FAM133B: variants seen among roughly 807,000 people sequenced by gnomAD.
FAM133B encodes the protein protein FAM133B.
FAM133B carries 25 observed loss-of-function variants against 46.4 expected under a neutral mutation model. That is an observed-to-expected ratio of 0.54 (90% CI 0.39 to 0.75). The LOEUF (loss-of-function observed/expected upper bound fraction) is 0.75. FAM133B is among the 30% of genes least tolerant of loss of function. The probability of loss-of-function intolerance (pLI) is 0.00; values close to 1 mark genes in which losing one functional copy is unlikely to be tolerated. For synonymous variants in FAM133B, 75 were observed against 86.0 expected, an observed-to-expected ratio of 0.87 and a Z score of 0.71; for missense variants, 205 against 277.6, an observed-to-expected ratio of 0.74 and a Z score of 1.86.
At chr7:92,571,403 T>C (rs1273375265) in intron 8 of FAM133B, among the ~76,000 whole-genome samples, 7 of 152,230 alleles carry the variant, frequency 4.6e-5, no homozygotes, top group Non-Finnish European at 1.0e-4. Flanking sequence ...GTGTTATACA[T>C]TCTTAGAAGT....
intron 8 of FAM133B, among the ~76,000 whole-genome samples, chr7:92,570,689 C>T (rs1794502184): frequency 6.6e-6 from 1 of 152,042 alleles, no homozygotes; most frequent in Non-Finnish European, 1.5e-5. Context: ...TCAGAATGTA[C>T]AACTTTTTAT....
At chr7:92,579,467 A>G (rs1794801626) in intron 2 of FAM133B, 72 bp from the exon 3 acceptor site, 1 of 1,023,376 alleles carries the variant, frequency 9.8e-7, no homozygotes, top group Admixed American at 2.7e-5. Flanking sequence ...ATAAGACAAC[A>G]AAATTTCATA....
At chr7:92,578,081 C>G in intron 5 of FAM133B, 69 bp downstream of exon 5, 1 of 1,395,918 alleles carries the variant, frequency 7.2e-7, no homozygotes, top group Admixed American at 1.9e-5. Flanking sequence ...ACAGGTTAAA[C>G]AAATTATTCT....
chr7:92,569,942 G>T, intron 8 of FAM133B, 27 bp from the exon 9 acceptor site: 3 of 1,060,258 alleles, frequency 2.8e-6, no homozygotes, highest in South Asian at 4.9e-5. Flanking sequence ...CATTTATCTT[G>T]ACTCAGACAT....
At chr7:92,565,990 G>A (rs1365315018) in intron 10 of FAM133B, 24 bp downstream of exon 10, 8 of 1,612,628 alleles carry the variant, frequency 5.0e-6, no homozygotes, top group South Asian at 1.1e-5. Context: ...TCTATTGTCT[G>A]TAAAAACGTT....
At chr7:92,565,982 T>C in intron 10 of FAM133B, 32 bp downstream of exon 10, 1 of 1,610,236 alleles carries the variant, frequency 6.2e-7, no homozygotes, top group East Asian at 2.2e-5. Context: ...ACACCTATTC[T>C]ATTGTCTGTA....
intron 1 of FAM133B, chr7:92,585,268 G>T: frequency 1.6e-6 from 1 of 623,386 alleles, no homozygotes; most frequent in African/African-American, 2.0e-5. Flanking sequence ...TCTTCCTCAA[G>T]TTCTAGAATC....
Position 92,581,570 on chromosome 7 carries a change from T to C in FAM133B, c.58A>G (p.Arg20Gly). The C allele has an allele frequency of 6.2e-7, 1 of 1,613,874 alleles. No individual in the cohort carries two copies. The highest frequency in any genetic ancestry group is 8.5e-7 in the Non-Finnish European group (1 of 1,179,802). The change falls in exon 2 of 11, where the codon AGG becomes GGG. Residue 20 changes from arginine (R) to glycine (G), a missense_variant. Physicochemically the swap from Arg to Gly is moderately radical, Grantham distance 125 (BLOSUM62 -2). Transcript: ENST00000445716. ...GGCCCTGAAGACTGGATTGGACCCC[T>C]TGATCTCGCCATTGCTATTGGGTTC... Reference protein sequence around the residue: ...YMNPIAMARSRGPIQSSGPTI... With the variant: ...YMNPIAMARSGGPIQSSGPTI...
chr7:92,584,838 G>A (rs1199966771), intron 1 of FAM133B, among the ~76,000 whole-genome samples: 2 of 152,148 alleles, frequency 1.3e-5, no homozygotes, highest in African/African-American at 4.8e-5. Flanking sequence ...ACACAGTTAA[G>A]TTGGGCTCAA....
chr7:92,581,803 T>C (rs1445670402), intron 1 of FAM133B, 200 bp from the exon 2 acceptor site: 2 of 310,908 alleles, frequency 6.4e-6, no homozygotes, highest in African/African-American at 9.3e-5. Context: ...ATTGTGTGTG[T>C]GTGTGTGTGT....
chr7:92,562,452 A>G, intron 10 of FAM133B, 84 bp from the exon 11 acceptor site: 4 of 1,467,756 alleles, frequency 2.7e-6, no homozygotes, highest in South Asian at 1.4e-5. Context: ...AAGCTACCAC[A>G]TAATTCCAAA....
At chr7:92,585,399 A>G (rs1275818668) in intron 1 of FAM133B, 1 of 977,064 alleles carries the variant, frequency 1.0e-6, no homozygotes, top group Admixed American at 6.2e-5. Context: ...GGCAGTACCT[A>G]ATGGCAAAAT....
chr7:92,565,693 G>A (rs985919462), intron 10 of FAM133B: 2 of 248,576 alleles, frequency 8.0e-6, no homozygotes, highest in African/African-American at 4.4e-5. Flanking sequence ...TCGAGCTCCT[G>A]ACCTCATGAT....
chr7:92,578,776 T>C (rs1269863245), intron 3 of FAM133B, among the ~76,000 whole-genome samples: 3 of 152,172 alleles, frequency 2.0e-5, no homozygotes, highest in Non-Finnish European at 4.4e-5. Context: ...CTGGGTATAA[T>C]GGCTCACACC....
chr7:92,563,106 TGA>T (rs1202788768), intron 10 of FAM133B, among the ~76,000 whole-genome samples: 2 of 152,092 alleles, frequency 1.3e-5, no homozygotes, highest in Non-Finnish European at 2.9e-5. Context: ...TGGTACCAAA[TGA>T]GAGACTGCTG....
At chr7:92,584,058 AAAAAAAAAAAAAAAAG>A (rs1794968025) in intron 1 of FAM133B, among the ~76,000 whole-genome samples, 1 of 148,522 alleles carries the variant, frequency 6.7e-6, no homozygotes, top group Non-Finnish European at 1.5e-5. Flanking sequence ...AAAAAAAAAA[AAAAAAAAAAAAAAAAG>A]AAAGGGTCTT....
chr7:92,577,102 C>G lies in FAM133B; in HGVS notation c.465+1G>C. Reference sequence around the variant, plus strand: ...ATATATTAATAATTTAAATAATTTACCTTACTGTCTGATTCAGTTTCTGAC... The same window carrying G: ...ATATATTAATAATTTAAATAATTTAGCTTACTGTCTGATTCAGTTTCTGAC... On this transcript the variant is annotated splice_donor_variant, in intron 7 of 10. Coordinates refer to ENST00000445716, the MANE Select transcript of FAM133B (RefSeq NM_152789.4). LOFTEE classifies it high-confidence loss of function. 1 of 1,443,396 alleles carries G rather than the reference C, an allele frequency of 6.9e-7. No homozygotes were observed. The highest frequency in any genetic ancestry group is 9.2e-7 in the Non-Finnish European group (1 of 1,089,892). The allele number at this position is 1,443,396 out of a possible 1,614,324, so 89.4% of individuals were successfully genotyped here.
chr7:92,581,621 A>T lies in FAM133B; in HGVS notation c.25-18T>A. 6 of 1,596,410 alleles carry T rather than the reference A, an allele frequency of 3.8e-6. No individual in the cohort carries two copies. The highest frequency in any genetic ancestry group is 4.3e-6 in the Non-Finnish European group (5 of 1,164,372). ...ATATAGGCCTTGGGGAAAGAACAAC[A>T]ATTAATCCATTAAAGCAATCATTAA... On this transcript the variant is annotated intron_variant, in intron 1 of 10. Coordinates refer to ENST00000445716, the MANE Select transcript of FAM133B (RefSeq NM_152789.4).
intron 1 of FAM133B, 191 bp from the exon 2 acceptor site, chr7:92,581,794 TTGTGTGTGTGTGTGTGTGTGTG>T (rs10578440): frequency 3.2e-5 from 10 of 316,306 alleles, no homozygotes; most frequent in African/African-American, 8.8e-5. Context: ...TGGGAGAAAA[TTGTGTGTGTGTGTGTGTGTGTG>T]TGTGTGTGTG....
Sources: allele counts gnomAD v4.1 joint callset (sites outside exome capture counted in the v4.1 genomes callset), GRCh38; gene constraint gnomAD v4.1.1; transcripts MANE v1.5; gene names NCBI Gene and HGNC (gene_info 2026-07-23, HGNC 2026-07-21).